HIPK2: variants seen among roughly 807,000 people sequenced by gnomAD.
HIPK2 encodes homeodomain-interacting protein kinase 2.
HIPK2 carries 27 observed loss-of-function variants against 113.7 expected under a neutral mutation model. That is an observed-to-expected ratio of 0.24 (90% CI 0.17 to 0.33). The LOEUF is 0.33. HIPK2 is among the 10% of genes least tolerant of loss of function. The pLI, the probability that HIPK2 is intolerant of heterozygous loss-of-function variation, is 1.00. For synonymous variants in HIPK2, 631 were observed against 642.2 expected (o/e 0.98, Z 0.26); for missense variants, 1,257 against 1,588.0 (o/e 0.79, Z 3.54).
intron 11 of HIPK2, among the ~76,000 whole-genome samples, chr7:139,600,059 C>T (rs917896806): frequency 2.0e-5 from 3 of 152,128 alleles, no homozygotes; most frequent in African/African-American, 4.8e-5. Context: ...TCTCCCTTAC[C>T]CCTGATGCTT....
At chr7:139,692,002 G>A (rs1007379759) in intron 2 of HIPK2, among the ~76,000 whole-genome samples, 1 of 152,112 alleles carries the variant, frequency 6.6e-6, no homozygotes, top group Middle Eastern at 3.2e-3. Context: ...TTTATAAAAA[G>A]ATGATTTCTA....
intron 1 of HIPK2, among the ~76,000 whole-genome samples, chr7:139,750,184 T>C (rs144751424): frequency 6.6e-6 from 1 of 152,224 alleles, no homozygotes; most frequent in African/African-American, 2.4e-5. Context: ...TATGGCCTCA[T>C]GGTTTTAGCA....
intron 2 of HIPK2, among the ~76,000 whole-genome samples, chr7:139,686,901 G>T (rs1794238852): frequency 6.6e-6 from 1 of 152,152 alleles, no homozygotes. Flanking sequence ...TTTCGTGAAG[G>T]GAAGAGTCAA....
Position 139,572,763 on chromosome 7 carries a change from T to TTCCCCCC in HIPK2, c.*163_*164insGGGGGGA, listed in dbSNP as rs1569440110. 1 of 42,150 alleles carries TTCCCCCC rather than the reference T, an allele frequency of 2.4e-5. No homozygotes were observed. Among genetic ancestry groups the TTCCCCCC allele is most frequent in the Non-Finnish European group, 4.0e-5 (1 of 25,312 alleles). 2.6% of individuals were successfully genotyped at this position (42,150 alleles called of 1,614,324 possible). A position where few individuals can be genotyped will look rare whatever the true frequency, so the allele number is the denominator to read the frequency against. On this transcript the variant is annotated 3_prime_UTR_variant, in exon 15 of 15. Transcript: ENST00000406875. ...TGTCCCGACCCGTCCCCCTGCCCTC[T>TTCCCCCC]GCCCCCCCCCCCCCCCCCGCCCCTG...
intron 9 of HIPK2, 133 bp from the exon 10 acceptor site, chr7:139,604,356 G>T: frequency 1.5e-6 from 2 of 1,339,930 alleles, no homozygotes; most frequent in Non-Finnish European, 2.0e-6. Flanking sequence ...CCTGGTCTCT[G>T]GCCTCAAAAA....
At chr7:139,755,804 C>G (rs140214820) in intron 1 of HIPK2, among the ~76,000 whole-genome samples, 1 of 152,368 alleles carries the variant, frequency 6.6e-6, no homozygotes, top group African/African-American at 2.4e-5. Flanking sequence ...TCCTTAGGGC[C>G]TGGTGGGAAT....
At chr7:139,617,459 G>C (rs1482825568) in intron 7 of HIPK2, among the ~76,000 whole-genome samples, 1 of 152,238 alleles carries the variant, frequency 6.6e-6, no homozygotes, top group East Asian at 1.9e-4. Flanking sequence ...GTTCCAGAAG[G>C]AAGGGGTTTG....
intron 6 of HIPK2, among the ~76,000 whole-genome samples, chr7:139,624,042 T>G (rs1161146896): frequency 2.0e-5 from 3 of 148,316 alleles, no homozygotes; most frequent in Middle Eastern, 3.2e-3. Context: ...TTTTTTTTTT[T>G]GACGGAGTCT....
chr7:139,700,075 CAA>C (rs1449913361), intron 2 of HIPK2, among the ~76,000 whole-genome samples: 3 of 152,282 alleles, frequency 2.0e-5, no homozygotes, highest in African/African-American at 7.2e-5. Flanking sequence ...GACAGGAAAA[CAA>C]ATCCTCAGTG....
In HIPK2 at chr7:139,716,860, G is replaced by A; in HGVS notation, c.175C>T (p.Leu59=). The change falls in exon 2 of 15, where the codon CTG becomes TTG. Residue 59 remains leucine, a synonymous_variant. Coordinates refer to ENST00000406875, the MANE Select transcript of HIPK2 (RefSeq NM_022740.5). This position sits in a 1 kb window ranked among gnomAD's most constrained non-coding sequence, Gnocchi z 9.3. ...KVYSQSKNIP[L]SQPATTTVST... is the part of the protein sequence containing the mutation. Reference sequence around the variant, plus strand: ...ACGGTTGTGGTGGCTGGCTGCGACAGGGGGATGTTCTTGCTCTGGCTATAC... The same window carrying A: ...ACGGTTGTGGTGGCTGGCTGCGACAAGGGGATGTTCTTGCTCTGGCTATAC... The A allele has an allele frequency of 2.5e-6, 4 of 1,613,932 alleles. No homozygotes were observed. The highest frequency in any genetic ancestry group is 2.5e-6 in the Non-Finnish European group (3 of 1,179,882).
rs1795242875 is a variant in HIPK2, at chr7:139,716,465, C to T, written c.570G>A (p.Glu190=). 2 of 1,614,008 alleles carry T rather than the reference C, an allele frequency of 1.2e-6. No homozygotes were observed. Among genetic ancestry groups the T allele is most frequent in the East Asian group, 4.5e-5 (2 of 44,888 alleles). The change falls in exon 2 of 15, where the codon GAG becomes GAA. Residue 190 remains glutamate, a synonymous_variant. Coordinates refer to ENST00000406875, the MANE Select transcript of HIPK2 (RefSeq NM_022740.5). The surrounding 1 kb of genome is among the most constrained non-coding windows in gnomAD (Gnocchi z 9.3). ...SEGDYQLVQH[E]VLCSMTNTYE... ...AGGTGTTGGTCATGGAGCACAGCAC[C>T]TCATGCTGCACCAGCTGATAGTCGC...
intron 2 of HIPK2, among the ~76,000 whole-genome samples, chr7:139,635,762 G>GT (rs1344782009): frequency 1.3e-5 from 2 of 152,132 alleles, no homozygotes; most frequent in African/African-American, 4.8e-5. Context: ...AATACAAAAC[G>GT]TGTGTCACAG....
At chr7:139,761,060 C>T (rs1013587243) in intron 1 of HIPK2, among the ~76,000 whole-genome samples, 1 of 152,118 alleles carries the variant, frequency 6.6e-6, no homozygotes, top group African/African-American at 2.4e-5. Context: ...CAGAAAAAAA[C>T]CACGTGTTAC....
intron 2 of HIPK2, among the ~76,000 whole-genome samples, chr7:139,686,581 C>T (rs1041611517): frequency 2.0e-5 from 3 of 152,068 alleles, no homozygotes; most frequent in Non-Finnish European, 4.4e-5. Flanking sequence ...GGCTTTCCTC[C>T]CACTTTGCTC....
At chr7:139,712,059 C>T (rs530810294) in intron 2 of HIPK2, among the ~76,000 whole-genome samples, 38 of 152,316 alleles carry the variant, frequency 2.5e-4, no homozygotes, top group African/African-American at 7.5e-4. Flanking sequence ...CCAGCAACCT[C>T]TCCAGGAGAT....
At chr7:139,759,935 A>G (rs2117138827) in intron 1 of HIPK2, among the ~76,000 whole-genome samples, 1 of 152,288 alleles carries the variant, frequency 6.6e-6, no homozygotes, top group South Asian at 2.1e-4. Flanking sequence ...CCAATATCAA[A>G]AGAAATGTAG....
Position 139,777,695 on chromosome 7 carries a change from T to C in HIPK2, c.-72A>G. 2.8e-6 allele frequency: 3 copies of C among 1,060,956 alleles called. No individual in the cohort carries two copies. Among genetic ancestry groups the C allele is most frequent in the East Asian group, 5.7e-5 (1 of 17,514 alleles). 65.7% of individuals were successfully genotyped at this position (1,060,956 alleles called of 1,614,324 possible). A position where few individuals can be genotyped will look rare whatever the true frequency, so the allele number is the denominator to read the frequency against. On this transcript the variant is annotated 5_prime_UTR_variant, in exon 1 of 15. The change abolishes the stop of an existing upstream ORF in the 5' untranslated region. Transcript: ENST00000406875. ...GCGCGCGAGCTCGGCCCCCCCAGCC[T>C]CAGTCGGAATCTGCCATCTTGAGCC...
At chr7:139,577,749 C>G (rs1026080752) in intron 13 of HIPK2, among the ~76,000 whole-genome samples, 3 of 152,186 alleles carry the variant, frequency 2.0e-5, no homozygotes, top group African/African-American at 7.2e-5. Context: ...CCAAGAAGGG[C>G]AGGGCAGACC....
chr7:139,695,108 T>C (rs1438117241), intron 2 of HIPK2, among the ~76,000 whole-genome samples: 1 of 152,240 alleles, frequency 6.6e-6, no homozygotes, highest in Non-Finnish European at 1.5e-5. Flanking sequence ...CGCCTGTCTG[T>C]AGCTCAGTGC....
Sources: gnomAD v4.1 joint callset for allele counts (sites outside exome capture counted in the v4.1 genomes callset) on GRCh38, gnomAD v4.1.1 for gene constraint, Gnocchi (gnomAD v3.1) non-coding constraint, MANE v1.5 for transcripts, NCBI Gene and HGNC (gene_info 2026-07-23, HGNC 2026-07-21) for gene names.